Variants in MYO6 observed in about 807,000 individuals in gnomAD.
MYO6 encodes the protein myosin VI.
In MYO6, 74 loss-of-function variants were observed where a neutral mutation model predicts 178.7. The ratio of observed to expected loss-of-function variants is 0.41; its 90% CI spans 0.34 to 0.50. The LOEUF (loss-of-function observed/expected upper bound fraction) is 0.50, where lower values mean the gene tolerates loss of function less well. MYO6 is among the 20% of genes least tolerant of loss of function. The pLI is 0.09. For missense variants in MYO6, 1,330 were observed against 1,547.4 expected (o/e 0.86, Z 2.36); for synonymous variants, 477 against 504.6 (o/e 0.95, Z 0.73).
In MYO6 at chr6:75,835,968, T is replaced by C. The variant is rs1201495627; in HGVS notation, c.553+12T>C. On this transcript the variant is annotated intron_variant, in intron 7 of 34. Coordinates refer to ENST00000369977, the MANE Select transcript of MYO6 (RefSeq NM_004999.4). ...CAGAATTGTTGAAGGTATTGCTAAT[T>C]TTTCAGTTGTTACGCGTGTACTGAA... is the stretch of plus-strand genomic sequence containing the variant. The C allele has an allele frequency of 6.3e-7, 1 of 1,580,246 alleles. No homozygotes were observed. The highest frequency in any genetic ancestry group is 8.7e-7 in the Non-Finnish European group (1 of 1,149,176).
chr6:75,846,807 C>T lies in MYO6; in HGVS notation c.898-1544C>T, dbSNP rs115019781. 3.2e-3 allele frequency among the ~76,000 whole-genome samples: 480 copies of T among 152,194 alleles called. 2 individuals are homozygous for T. Among genetic ancestry groups the T allele is most frequent in the African/African-American group, 0.011 (455 of 41,562 alleles). ...AGAGAGGAAAGAAAACGAGTTTACT[C>T]TCCAAAGAGTAGCATGTACTCTCCA... On this transcript the variant is annotated intron_variant, in intron 10 of 34. Coordinates refer to ENST00000369977, the MANE Select transcript of MYO6 (RefSeq NM_004999.4).
intron 24 of MYO6, 123 bp from the exon 25 acceptor site, chr6:75,886,721 A>G: frequency 1.1e-6 from 1 of 943,228 alleles, no homozygotes; most frequent in Non-Finnish European, 1.6e-6. Context: ...AGATCTGAAA[A>G]AGAGAATAGT....
At chr6:75,810,891 C>T (rs910294244) in intron 1 of MYO6, among the ~76,000 whole-genome samples, 4 of 152,096 alleles carry the variant, frequency 2.6e-5, no homozygotes, top group South Asian at 2.1e-4. Context: ...CCTGTAATCC[C>T]GGTTACTCAG....
intron 11 of MYO6, among the ~76,000 whole-genome samples, chr6:75,853,539 T>C (rs1775464692): frequency 6.6e-6 from 1 of 152,216 alleles, no homozygotes; most frequent in South Asian, 2.1e-4. Flanking sequence ...CCAGCTTCAT[T>C]CTTTTGCATG....
intron 20 of MYO6, among the ~76,000 whole-genome samples, chr6:75,873,875 C>A (rs771465909): frequency 6.6e-6 from 1 of 152,098 alleles, no homozygotes; most frequent in African/African-American, 2.4e-5. Flanking sequence ...CACTTCCTAC[C>A]CCTCACCCTG....
In MYO6 at chr6:75,916,774, CATT is replaced by C. The variant is rs1259598915; in HGVS notation, c.*1764_*1766del. The C allele has an allele frequency of 6.6e-6, 1 of 151,888 alleles. No homozygotes were observed. The highest frequency in any genetic ancestry group is 6.6e-5 in the Admixed American group (1 of 15,234). The allele number at this position is 151,888 out of a possible 1,614,324, so 9.4% of individuals were successfully genotyped here. ...AATAGTTTTGTGTATCTTTTAGATA[CATT>C]AATAGGCACTAGATGGAAAATTAAA... On this transcript the variant is annotated 3_prime_UTR_variant, in exon 35 of 35. Coordinates refer to ENST00000369977, the MANE Select transcript of MYO6 (RefSeq NM_004999.4).
intron 33 of MYO6, among the ~76,000 whole-genome samples, chr6:75,912,473 T>C (rs2149428858): frequency 6.6e-6 from 1 of 152,180 alleles, no homozygotes; most frequent in Admixed American, 6.5e-5. Flanking sequence ...TATTCGTTTC[T>C]AGTCTTCCCC....
At chr6:75,844,116 T>C (rs753786274) in intron 9 of MYO6, among the ~76,000 whole-genome samples, 13 of 152,186 alleles carry the variant, frequency 8.5e-5, no homozygotes, top group Non-Finnish European at 4.4e-5. Flanking sequence ...ACTTTTAGTC[T>C]ACCGTATAGC....
At chr6:75,805,310 C>A (rs1769963879) in intron 1 of MYO6, among the ~76,000 whole-genome samples, 1 of 151,928 alleles carries the variant, frequency 6.6e-6, no homozygotes, top group South Asian at 2.1e-4. Flanking sequence ...CGGCCTTAAC[C>A]TAACTATATT....
intron 1 of MYO6, among the ~76,000 whole-genome samples, chr6:75,771,535 T>C (rs538711951): frequency 2.6e-4 from 40 of 152,210 alleles, no homozygotes; most frequent in African/African-American, 9.2e-4. Context: ...AGAGAAAAAA[T>C]CAGCTACACA....
intron 2 of MYO6, among the ~76,000 whole-genome samples, chr6:75,821,579 A>G (rs2150181129): frequency 6.6e-6 from 1 of 152,008 alleles, no homozygotes; most frequent in Middle Eastern, 3.4e-3. Context: ...CTTAGAATTG[A>G]GGTAGTCCCA....
intron 32 of MYO6, among the ~76,000 whole-genome samples, chr6:75,910,400 T>C (rs1780674338): frequency 1.3e-5 from 2 of 152,326 alleles, no homozygotes; most frequent in South Asian, 4.1e-4. Context: ...ATTTATTGTA[T>C]TTGTGACTCA....
intron 7 of MYO6, among the ~76,000 whole-genome samples, chr6:75,837,416 A>T (rs959136500): frequency 6.6e-6 from 1 of 152,178 alleles, no homozygotes; most frequent in Non-Finnish European, 1.5e-5. Flanking sequence ...TTTAAATTAG[A>T]GACAGCATCT....
At chr6:75,859,305 C>CTT (rs1161462411) in intron 14 of MYO6, among the ~76,000 whole-genome samples, 2 of 144,976 alleles carry the variant, frequency 1.4e-5, no homozygotes, top group Non-Finnish European at 1.5e-5. Flanking sequence ...GTCTCTACTT[C>CTT]TTTTTTTTTT....
At chr6:75,796,092 C>T (rs1768786636) in intron 1 of MYO6, among the ~76,000 whole-genome samples, 1 of 152,128 alleles carries the variant, frequency 6.6e-6, no homozygotes, top group Admixed American at 6.5e-5. Context: ...TTTATGAATT[C>T]ACTAATTATT....
intron 28 of MYO6, chr6:75,894,748 T>A: frequency 9.3e-7 from 1 of 1,071,804 alleles, no homozygotes; most frequent in Non-Finnish European, 1.3e-6. Context: ...TTCTATGCTG[T>A]GTTAAAAAAT....
intron 14 of MYO6, among the ~76,000 whole-genome samples, chr6:75,859,943 A>C (rs1196128860): frequency 2.0e-5 from 3 of 152,164 alleles, no homozygotes. Context: ...TACAGGCGTG[A>C]GCCATCATGC....
In MYO6 at chr6:75,866,532, A is replaced by G. The variant is rs773316449; in HGVS notation, c.1681A>G (p.Arg561Gly). The G allele has an allele frequency of 1.2e-6, 2 of 1,613,122 alleles. No homozygotes were observed. The highest frequency in any genetic ancestry group is 1.7e-6 in the Non-Finnish European group (2 of 1,179,110). Residue 561 changes from arginine (R) to glycine (G), a missense_variant, in exon 17 of 35, where the codon AGA becomes GGA. Arg to Gly is a moderately radical substitution (Grantham distance 125). Coordinates refer to ENST00000369977, the MANE Select transcript of MYO6 (RefSeq NM_004999.4). ...HKDHFRLTIPRKSKLAVHRNI... is the reference protein window; with the variant it reads ...HKDHFRLTIPGKSKLAVHRNI... ...TATATGTATTGTTTTTCAGATTCCC[A>G]GAAAATCTAAGCTGGCAGTTCATAG...
intron 1 of MYO6, among the ~76,000 whole-genome samples, chr6:75,774,443 A>G (rs1766179183): frequency 6.6e-6 from 1 of 152,176 alleles, no homozygotes; most frequent in South Asian, 2.1e-4. Context: ...CTGTCTTTCT[A>G]CCACTAAATT....
Sources: gnomAD v4.1 joint callset for allele counts (sites outside exome capture counted in the v4.1 genomes callset) on GRCh38, gnomAD v4.1.1 for gene constraint, MANE v1.5 for transcripts, NCBI Gene and HGNC (gene_info 2026-07-23, HGNC 2026-07-21) for gene names.